EML4: variants seen among roughly 807,000 people sequenced by gnomAD.
The protein encoded by EML4 is EMAP like 4, also known as echinoderm microtubule-associated protein-like 4.
In EML4, 72 loss-of-function variants were observed where a neutral mutation model predicts 129.0. That is an observed-to-expected ratio of 0.56 (90% CI 0.46 to 0.68). EML4 has a LOEUF of 0.68. Among genes scored for constraint, EML4 ranks in the 30% least tolerant of loss-of-function variants. EML4 has a pLI of 0.00. For synonymous variants in EML4, 532 were observed against 405.0 expected (o/e 1.31, Z -3.77); for missense variants, 1,363 against 1,190.6 (o/e 1.14, Z -2.13).
intron 1 of EML4, among the ~76,000 whole-genome samples, chr2:42,192,872 A>G (rs778985727): frequency 1.6e-4 from 25 of 152,170 alleles, no homozygotes; most frequent in Non-Finnish European, 3.5e-4. Flanking sequence ...TTCTTGGTGC[A>G]TCTGCAGAAA....
At chr2:42,280,110 C>A (rs974699565) in intron 6 of EML4, among the ~76,000 whole-genome samples, 37 of 152,092 alleles carry the variant, frequency 2.4e-4, no homozygotes, top group Non-Finnish European at 4.6e-4. Flanking sequence ...TGCCGTTTAA[C>A]ATCTGTAGGT....
chr2:42,217,607 C>G (rs1392943798), intron 1 of EML4, among the ~76,000 whole-genome samples: 2 of 152,086 alleles, frequency 1.3e-5, no homozygotes, highest in Non-Finnish European at 2.9e-5. Flanking sequence ...GAATACTGTA[C>G]CCATGAAAAA....
chr2:42,188,914 G>A (rs1236560838), intron 1 of EML4, among the ~76,000 whole-genome samples: 1 of 152,176 alleles, frequency 6.6e-6, no homozygotes, highest in Non-Finnish European at 1.5e-5. Context: ...AGGATCGCTT[G>A]AGCCCAGGTA....
chr2:42,202,818 A>G (rs1021844615), intron 1 of EML4, among the ~76,000 whole-genome samples: 7 of 152,164 alleles, frequency 4.6e-5, no homozygotes, highest in African/African-American at 1.7e-4. Context: ...GTTGACACTC[A>G]GCATTAACCA....
At position 42,330,247 on chromosome 2, in the gene EML4, G is replaced by A. The variant is rs1336477601; in HGVS notation, c.*40G>A. Reference sequence around the variant, plus strand: ...TGCAACTCTTTTCCTTCAGCTGCATGTGATTTTGTGATAAAGTTCAGGTAA... The same window carrying A: ...TGCAACTCTTTTCCTTCAGCTGCATATGATTTTGTGATAAAGTTCAGGTAA... On this transcript the variant is annotated 3_prime_UTR_variant, in exon 23 of 23. Coordinates refer to ENST00000318522, the MANE Select transcript of EML4 (RefSeq NM_019063.5). 6.4e-7 allele frequency: 1 copy of A among 1,558,620 alleles called. No individual in the cohort carries two copies. The highest frequency in any genetic ancestry group is 8.8e-7 in the Non-Finnish European group (1 of 1,132,316).
At chr2:42,182,025 G>C (rs1670973191) in intron 1 of EML4, among the ~76,000 whole-genome samples, 1 of 151,170 alleles carries the variant, frequency 6.6e-6, no homozygotes, top group Admixed American at 6.6e-5. Context: ...TTTACATATA[G>C]TTACTTCCCC....
intron 1 of EML4, among the ~76,000 whole-genome samples, chr2:42,214,817 T>C (rs1673085168): frequency 6.6e-6 from 1 of 152,148 alleles, no homozygotes; most frequent in Non-Finnish European, 1.5e-5. Context: ...GTTGGACTTC[T>C]TAAAGGGCAG....
At chr2:42,272,281 G>A (rs898794386) in intron 6 of EML4, among the ~76,000 whole-genome samples, 2 of 152,096 alleles carry the variant, frequency 1.3e-5, no homozygotes, top group South Asian at 2.1e-4. Context: ...CCTGTGCCAC[G>A]TCCCTGAACT....
chr2:42,267,076 T>C (rs1666103789), intron 6 of EML4, among the ~76,000 whole-genome samples: 1 of 152,192 alleles, frequency 6.6e-6, no homozygotes, highest in African/African-American at 2.4e-5. Context: ...GACTTAGCTA[T>C]AGTGACATTG....
Position 42,303,099 on chromosome 2 carries a change from T to TC in EML4, c.1642-4dup. ...TATATGGTGACTTTACACTTTTTTTTCTAGGTTCCTGATCAGTATGGCACA... is the reference window on the plus strand; with the variant it reads ...TATATGGTGACTTTACACTTTTTTTTCCTAGGTTCCTGATCAGTATGGCACA... On this transcript the variant is annotated splice_region_variant and splice_polypyrimidine_tract_variant and intron_variant, in intron 14 of 22. Transcript: ENST00000318522. The TC allele has an allele frequency of 1.2e-6, 2 of 1,613,220 alleles. No homozygotes were observed. Among genetic ancestry groups the TC allele is most frequent in the Non-Finnish European group, 1.7e-6 (2 of 1,179,770 alleles).
At chr2:42,184,670 A>G (rs1402540264) in intron 1 of EML4, among the ~76,000 whole-genome samples, 2 of 152,002 alleles carry the variant, frequency 1.3e-5, no homozygotes, top group African/African-American at 4.8e-5. Context: ...TGTTTATCCA[A>G]AGTAGTTTAA....
At chr2:42,215,669 T>G (rs1278122536) in intron 1 of EML4, among the ~76,000 whole-genome samples, 1 of 152,230 alleles carries the variant, frequency 6.6e-6, no homozygotes, top group East Asian at 1.9e-4. Flanking sequence ...TCTGGTGAAT[T>G]TAAAAGTAAG....
chr2:42,200,534 T>G (rs1672166469), intron 1 of EML4, among the ~76,000 whole-genome samples: 1 of 152,202 alleles, frequency 6.6e-6, no homozygotes, highest in Non-Finnish European at 1.5e-5. Flanking sequence ...TGCTGATTTC[T>G]TATTTGCTGG....
chr2:42,228,985 A>G (rs1379089744), intron 1 of EML4, among the ~76,000 whole-genome samples: 1 of 152,208 alleles, frequency 6.6e-6, no homozygotes, highest in Non-Finnish European at 1.5e-5. Context: ...TGATTAAATG[A>G]AATTTAGTGA....
chr2:42,315,555 C>T (rs914327689), intron 17 of EML4, among the ~76,000 whole-genome samples: 2 of 151,988 alleles, frequency 1.3e-5, no homozygotes, highest in Admixed American at 6.6e-5. Context: ...ACTTAAGGAC[C>T]ATTATTAAAA....
intron 1 of EML4, among the ~76,000 whole-genome samples, chr2:42,237,418 A>G (rs1674747769): frequency 6.6e-6 from 1 of 152,006 alleles, no homozygotes. Context: ...ATATGAAGAC[A>G]TTTGCAGTTA....
At chr2:42,299,893 C>T (rs1039784605) in intron 13 of EML4, among the ~76,000 whole-genome samples, 2 of 152,124 alleles carry the variant, frequency 1.3e-5, no homozygotes, top group African/African-American at 4.8e-5. Context: ...GCCATGTTGG[C>T]CAGGTTGGTT....
intron 1 of EML4, among the ~76,000 whole-genome samples, chr2:42,227,865 G>T (rs1311691196): frequency 6.6e-6 from 1 of 152,136 alleles, no homozygotes; most frequent in East Asian, 1.9e-4. Flanking sequence ...TCAACTGTTT[G>T]TTATCAGTAA....
chr2:42,330,182 A>G lies in EML4; in HGVS notation c.2921A>G (p.Gln974Arg). ...GCCAAAGCCACCCTTCTGGAGGACC[A>G]GCAAGACCCTTCGCCCTCGTCCTAA... is the stretch of plus-strand genomic sequence containing the variant. The part of the protein sequence containing the change: ...EQAKATLLED[Q>R]QDPSPSS Residue 974 changes from glutamine (Q) to arginine (R), a missense_variant, in exon 23 of 23, where the codon CAG becomes CGG. Physicochemically the swap from Gln to Arg is conservative, Grantham distance 43 (BLOSUM62 1). Coordinates refer to ENST00000318522, the MANE Select transcript of EML4 (RefSeq NM_019063.5). 6.2e-7 allele frequency: 1 copy of G among 1,612,716 alleles called. No homozygotes were observed. Among genetic ancestry groups the G allele is most frequent in the African/African-American group, 1.3e-5 (1 of 74,464 alleles).
Sources: gnomAD v4.1 joint callset for allele counts (sites outside exome capture counted in the v4.1 genomes callset) on GRCh38, gnomAD v4.1.1 for gene constraint, MANE v1.5 for transcripts, NCBI Gene and HGNC (gene_info 2026-07-23, HGNC 2026-07-21) for gene names.